Variants in EIF4G3 observed in about 807,000 individuals in gnomAD.
EIF4G3 encodes eIF-4-gamma 3.
Under a neutral mutation model 186.4 loss-of-function variants are expected in EIF4G3, and 34 were observed. The ratio of observed to expected loss-of-function variants is 0.18; its 90% CI spans 0.14 to 0.24. EIF4G3 has a LOEUF of 0.24. EIF4G3 is among the 10% of genes least tolerant of loss of function. The probability of loss-of-function intolerance (pLI) is 1.00; values close to 1 mark genes in which losing one functional copy is unlikely to be tolerated. For missense variants in EIF4G3, 1,536 were observed against 1,948.5 expected (o/e 0.79, Z 3.99); for synonymous variants, 673 against 679.5 (o/e 0.99, Z 0.15).
At position 20,942,167 on chromosome 1, in the gene EIF4G3, A is replaced by G. The variant is rs1369593823; in HGVS notation, c.987T>C (p.Ser329=). The G allele has an allele frequency of 1.2e-5, 19 of 1,614,090 alleles. No homozygotes were observed. The highest frequency in any genetic ancestry group is 1.5e-5 in the Non-Finnish European group (18 of 1,180,030). The part of the protein sequence containing the change: ...PLPPSPTTVS[S]VARSTIAAPT... ...GGGCTGCAATTGTACTTCGAGCAAC[A>G]GAAGAAACAGTGGTAGGTGATGGAG... The change falls in exon 14 of 37, where the codon TCT becomes TCC. Residue 329 remains serine (S), a synonymous_variant. Transcript: ENST00000602326.
At chr1:21,069,749 T>A (rs1241943081) in intron 3 of EIF4G3, among the ~76,000 whole-genome samples, 3 of 152,088 alleles carry the variant, frequency 2.0e-5, no homozygotes, top group African/African-American at 7.2e-5. Context: ...TGAGTCTAAC[T>A]CGTAGGAATT....
intron 29 of EIF4G3, among the ~76,000 whole-genome samples, chr1:20,845,554 T>C (rs1571532226): frequency 1.3e-5 from 2 of 151,836 alleles, no homozygotes; most frequent in Admixed American, 6.6e-5. Context: ...CTGAGCTACT[T>C]GGGAGGCTGA....
At chr1:20,894,098 A>G (rs549309311) in intron 17 of EIF4G3, among the ~76,000 whole-genome samples, 5 of 152,248 alleles carry the variant, frequency 3.3e-5, no homozygotes, top group African/African-American at 1.2e-4. Flanking sequence ...TGAGTGGACA[A>G]TAAGTCTTAG....
intron 35 of EIF4G3, among the ~76,000 whole-genome samples, chr1:20,811,415 A>T (rs1364061099): frequency 6.6e-6 from 1 of 152,218 alleles, no homozygotes; most frequent in Non-Finnish European, 1.5e-5. Context: ...AACCTGGCTC[A>T]TTTTCAATTT....
At chr1:21,151,644 T>C (rs1482365376) in intron 2 of EIF4G3, among the ~76,000 whole-genome samples, 5 of 151,946 alleles carry the variant, frequency 3.3e-5, no homozygotes, top group Non-Finnish European at 7.4e-5. Context: ...TCATGAAAGA[T>C]GACATGAGAA....
chr1:20,868,977 T>A (rs1353321354), intron 20 of EIF4G3, among the ~76,000 whole-genome samples: 1 of 152,186 alleles, frequency 6.6e-6, no homozygotes, highest in Non-Finnish European at 1.5e-5. Context: ...CTGACATATT[T>A]GTTAGTATTG....
At position 20,941,873 on chromosome 1, in the gene EIF4G3, G is replaced by T. The variant is rs1258998394; in HGVS notation, c.1281C>A (p.Ser427Arg). 6.2e-7 allele frequency: 1 copy of T among 1,613,992 alleles called. No homozygotes were observed. The highest frequency in any genetic ancestry group is 1.3e-5 in the African/African-American group (1 of 74,886). The part of the protein sequence containing the change: ...GVSEKLSATE[S>R]IVEIVKQEVL... ...CTTCCTGTTTTACTATTTCCACAATGCTCTCCGTGGCTGATAATTTTTCGC... is the reference window on the plus strand; with the variant it reads ...CTTCCTGTTTTACTATTTCCACAATTCTCTCCGTGGCTGATAATTTTTCGC... Residue 427 changes from serine (S) to arginine (R), a missense_variant, in exon 14 of 37, where the codon AGC becomes AGA. Transcript: ENST00000602326.
chr1:21,112,575 G>C (rs2096744111), intron 2 of EIF4G3, among the ~76,000 whole-genome samples: 1 of 151,852 alleles, frequency 6.6e-6, no homozygotes, highest in Non-Finnish European at 1.5e-5. Flanking sequence ...TCTTAAGATG[G>C]ATACCCATGT....
At chr1:21,104,832 G>A (rs1208108199) in intron 2 of EIF4G3, among the ~76,000 whole-genome samples, 2 of 151,912 alleles carry the variant, frequency 1.3e-5, no homozygotes, top group Non-Finnish European at 2.9e-5. Flanking sequence ...TTCAATGGTA[G>A]ACTAAAGAAA....
intron 2 of EIF4G3, among the ~76,000 whole-genome samples, chr1:21,098,989 C>A (rs774860051): frequency 6.6e-6 from 1 of 152,032 alleles, no homozygotes; most frequent in African/African-American, 2.4e-5. Flanking sequence ...AAAATATACA[C>A]GTCACAAATA....
intron 2 of EIF4G3, among the ~76,000 whole-genome samples, chr1:21,142,422 G>A (rs749979485): frequency 6.6e-6 from 1 of 152,084 alleles, no homozygotes; most frequent in African/African-American, 2.4e-5. Context: ...TAGGAGGATC[G>A]CTTGAGCCTG....
At chr1:20,815,541 C>T (rs71512959) in intron 34 of EIF4G3, among the ~76,000 whole-genome samples, 69,782 of 144,902 alleles carry the variant, frequency 0.48, 13,555 homozygotes, top group East Asian at 0.64. Flanking sequence ...AACCCTCTGC[C>T]TGGCAACCGC....
intron 2 of EIF4G3, among the ~76,000 whole-genome samples, chr1:21,171,180 C>T (rs2097958881): frequency 2.0e-5 from 3 of 152,194 alleles, no homozygotes; most frequent in Admixed American, 6.5e-5. Context: ...GTGTAAGTCT[C>T]AGCTGCAGTT....
At chr1:21,079,613 G>C (rs902897072) in intron 3 of EIF4G3, among the ~76,000 whole-genome samples, 6 of 151,582 alleles carry the variant, frequency 4.0e-5, no homozygotes, top group African/African-American at 1.5e-4. Flanking sequence ...GAGCCTAAAA[G>C]GTTGAGGCTG....
At chr1:20,922,119 C>T (rs546010505) in intron 14 of EIF4G3, among the ~76,000 whole-genome samples, 1 of 152,266 alleles carries the variant, frequency 6.6e-6, no homozygotes, top group South Asian at 2.1e-4. Context: ...TCCTGCTTTT[C>T]CTATTTCCAT....
intron 19 of EIF4G3, among the ~76,000 whole-genome samples, chr1:20,884,178 T>C (rs978216042): frequency 6.6e-6 from 1 of 152,196 alleles, no homozygotes; most frequent in African/African-American, 2.4e-5. Context: ...TTAAAAATTC[T>C]CCATTAGATT....
chr1:21,031,431 C>T (rs1234203740), intron 4 of EIF4G3, among the ~76,000 whole-genome samples: 6 of 148,486 alleles, frequency 4.0e-5, no homozygotes, highest in African/African-American at 9.9e-5. Context: ...TATGCATTTT[C>T]GGCACAAGGG....
chr1:20,876,402 A>G (rs1217486875), intron 20 of EIF4G3, among the ~76,000 whole-genome samples: 1 of 150,064 alleles, frequency 6.7e-6, no homozygotes, highest in African/African-American at 2.4e-5. Flanking sequence ...AGTAAAATCT[A>G]TCTGTAATGA....
chr1:20,875,828 T>C (rs1485258039), intron 20 of EIF4G3, among the ~76,000 whole-genome samples: 1 of 152,008 alleles, frequency 6.6e-6, no homozygotes, highest in East Asian at 1.9e-4. Context: ...GGGAGGATCA[T>C]GTGACCTCAG....
Sources: gnomAD v4.1 joint callset for allele counts (sites outside exome capture counted in the v4.1 genomes callset) on GRCh38, gnomAD v4.1.1 for gene constraint, MANE v1.5 for transcripts, NCBI Gene and HGNC (gene_info 2026-07-23, HGNC 2026-07-21) for gene names.